ZDHHC20: variants seen among roughly 807,000 people sequenced by gnomAD.
ZDHHC20 encodes the protein zDHHC palmitoyltransferase 20.
A neutral mutation model predicts 57.8 loss-of-function variants in ZDHHC20; 43 were observed. That is an observed-to-expected ratio of 0.74 (90% confidence interval 0.58 to 0.96). The LOEUF is 0.96. Among genes scored for constraint, ZDHHC20 ranks in the 40% least tolerant of loss-of-function variants. The pLI is 0.00. For synonymous variants in ZDHHC20, 157 were observed against 153.0 expected (o/e 1.03, Z -0.19); for missense variants, 391 against 441.1 (o/e 0.89, Z 1.02).
intron 4 of ZDHHC20, among the ~76,000 whole-genome samples, chr13:21,411,073 C>G (rs1879148652): frequency 6.6e-6 from 1 of 152,230 alleles, no homozygotes; most frequent in African/African-American, 2.4e-5. Context: ...AGCACTGTCC[C>G]TCACGGCACA....
intron 7 of ZDHHC20, among the ~76,000 whole-genome samples, chr13:21,392,743 T>C (rs1239099373): frequency 6.6e-6 from 1 of 152,192 alleles, no homozygotes; most frequent in Admixed American, 6.5e-5. Context: ...TTCTGCTTGA[T>C]TTAAAAAGTA....
chr13:21,455,758 C>T (rs562985581), intron 1 of ZDHHC20, among the ~76,000 whole-genome samples: 33 of 152,146 alleles, frequency 2.2e-4, no homozygotes, highest in Non-Finnish European at 2.5e-4. Flanking sequence ...TTACAGCCAA[C>T]TGTGGGCCAG....
At chr13:21,384,977 T>C (rs568535360) in intron 9 of ZDHHC20, among the ~76,000 whole-genome samples, 26 of 150,728 alleles carry the variant, frequency 1.7e-4, no homozygotes, top group Admixed American at 3.3e-4. Flanking sequence ...AAAAAGTCAA[T>C]AGAAAAAAAT....
chr13:21,441,965 A>C (rs760485852), intron 1 of ZDHHC20, among the ~76,000 whole-genome samples: 106 of 152,314 alleles, frequency 7.0e-4, no homozygotes, highest in Non-Finnish European at 1.2e-3. Context: ...AGTAATAGAC[A>C]TAGTAGGTAT....
At chr13:21,397,373 G>T (rs372803918) in intron 7 of ZDHHC20, among the ~76,000 whole-genome samples, 2 of 151,300 alleles carry the variant, frequency 1.3e-5, no homozygotes, top group African/African-American at 2.4e-5. Context: ...CAAGAATAAC[G>T]ATTAGTGGCT....
chr13:21,381,589 C>A, intron 10 of ZDHHC20, 40 bp from the exon 11 acceptor site: 1 of 1,342,178 alleles, frequency 7.5e-7, no homozygotes, highest in Non-Finnish European at 1.1e-6. Context: ...CAGCTTAATG[C>A]TCAACTATGG....
chr13:21,397,947 TG>T (rs1247345450), intron 7 of ZDHHC20, among the ~76,000 whole-genome samples: 1 of 152,146 alleles, frequency 6.6e-6, no homozygotes, highest in Non-Finnish European at 1.5e-5. Flanking sequence ...AGGAATGATT[TG>T]AGGCACAGAG....
chr13:21,383,373 C>T (rs1176509840), intron 9 of ZDHHC20, among the ~76,000 whole-genome samples: 2 of 152,164 alleles, frequency 1.3e-5, no homozygotes, highest in Non-Finnish European at 2.9e-5. Flanking sequence ...TTGTCTGCCA[C>T]CATATAAAAC....
chr13:21,430,762 T>C (rs1050095460), intron 1 of ZDHHC20, among the ~76,000 whole-genome samples: 3 of 151,970 alleles, frequency 2.0e-5, no homozygotes, highest in African/African-American at 7.3e-5. Context: ...CTCTAGCACA[T>C]ATATGAAGAA....
At chr13:21,421,390 T>A (rs1297011166) in intron 2 of ZDHHC20, among the ~76,000 whole-genome samples, 1 of 152,222 alleles carries the variant, frequency 6.6e-6, no homozygotes, top group South Asian at 2.1e-4. Context: ...GTTTATAAGA[T>A]GAGATTTAAG....
intron 8 of ZDHHC20, among the ~76,000 whole-genome samples, 179 bp from the exon 9 acceptor site, chr13:21,387,813 T>TA (rs1874848506): frequency 6.6e-6 from 1 of 152,080 alleles, no homozygotes; most frequent in Non-Finnish European, 1.5e-5. Context: ...TGGGAAAAAA[T>TA]AGCACATTTA....
chr13:21,395,095 C>T (rs1876540832), intron 7 of ZDHHC20, among the ~76,000 whole-genome samples: 1 of 148,144 alleles, frequency 6.8e-6, no homozygotes. Flanking sequence ...GAGATAGAGT[C>T]TCGATCTGTA....
At chr13:21,436,032 C>G (rs1882506660) in intron 1 of ZDHHC20, among the ~76,000 whole-genome samples, 1 of 152,176 alleles carries the variant, frequency 6.6e-6, no homozygotes, top group Admixed American at 6.5e-5. Context: ...CAAGCTGCAC[C>G]AGGAAGGGTG....
At chr13:21,397,721 G>A (rs1877026585) in intron 7 of ZDHHC20, among the ~76,000 whole-genome samples, 1 of 152,114 alleles carries the variant, frequency 6.6e-6, no homozygotes, top group Non-Finnish European at 1.5e-5. Flanking sequence ...CTCTTTTCAT[G>A]TGTAAATATG....
intron 3 of ZDHHC20, among the ~76,000 whole-genome samples, chr13:21,415,598 G>C (rs1358658119): frequency 6.6e-6 from 1 of 152,106 alleles, no homozygotes; most frequent in Non-Finnish European, 1.5e-5. Flanking sequence ...TGACAGATTG[G>C]GCCCCTCTTG....
At chr13:21,431,730 A>G (rs1191225990) in intron 1 of ZDHHC20, among the ~76,000 whole-genome samples, 2 of 152,244 alleles carry the variant, frequency 1.3e-5, no homozygotes, top group African/African-American at 4.8e-5. Flanking sequence ...TCTAATAACT[A>G]CAGCATCTTT....
chr13:21,379,553 A>C (rs1288604897), intron 11 of ZDHHC20, among the ~76,000 whole-genome samples: 1 of 152,108 alleles, frequency 6.6e-6, no homozygotes, highest in African/African-American at 2.4e-5. Flanking sequence ...AAGTGCTGGG[A>C]TTACAGGTGT....
intron 1 of ZDHHC20, among the ~76,000 whole-genome samples, chr13:21,426,907 C>T (rs771397763): frequency 2.0e-5 from 3 of 152,136 alleles, no homozygotes; most frequent in African/African-American, 2.4e-5. Context: ...CGCGCCAGGC[C>T]CTCTCTAGTT....
chr13:21,377,538 A>G (rs5027594), intron 12 of ZDHHC20: 75 of 36,168 alleles, frequency 2.1e-3, no homozygotes, highest in Middle Eastern at 0.019. Context: ...TCTGCCCGAC[A>G]TGACCTCCAC....
Sources: gnomAD v4.1 joint callset for allele counts (sites outside exome capture counted in the v4.1 genomes callset) on GRCh38, gnomAD v4.1.1 for gene constraint, MANE v1.5 for transcripts, NCBI Gene and HGNC (gene_info 2026-07-23, HGNC 2026-07-21) for gene names.